Variants in CLIP4 observed in about 807,000 individuals in gnomAD.
CLIP4 encodes the protein CAP-Gly domain-containing linker protein 4.
Under a neutral mutation model 73.1 loss-of-function variants are expected in CLIP4, and 47 were observed. The ratio of observed to expected loss-of-function variants is 0.64; its 90% CI spans 0.51 to 0.82. The LOEUF is 0.82. Ranked by LOEUF, CLIP4 falls within the 40% of genes least tolerant of loss-of-function variation. The probability of loss-of-function intolerance (pLI) is 0.00; values close to 1 mark genes in which losing one functional copy is unlikely to be tolerated. For synonymous variants in CLIP4, 306 were observed against 295.4 expected (o/e 1.04, Z -0.37); for missense variants, 874 against 852.9 (o/e 1.02, Z -0.31).
chr2:29,143,943 A>G lies in CLIP4; in HGVS notation c.883A>G (p.Lys295Glu). ...GGATCGTGTTGTTATTGCAGGACAGAAGGTACAGTAAGTAACTGCAATCTC... is the reference window on the plus strand; with the variant it reads ...GGATCGTGTTGTTATTGCAGGACAGGAGGTACAGTAAGTAACTGCAATCTC... Reference protein sequence around the residue: ...LGDRVVIAGQKVGTLRFCGTT... With the variant: ...LGDRVVIAGQEVGTLRFCGTT... Residue 295 changes from lysine to glutamate, a missense_variant and splice_region_variant, in exon 7 of 16, where the codon AAG (lysine) becomes GAG (glutamate). Physicochemically the swap from Lys to Glu is moderately conservative, Grantham distance 56. Transcript: ENST00000320081. 2.5e-6 allele frequency: 4 copies of G among 1,613,330 alleles called. No homozygotes were observed. The highest frequency in any genetic ancestry group is 3.4e-6 in the Non-Finnish European group (4 of 1,179,222).
At chr2:29,168,915 C>T in intron 14 of CLIP4, among the ~76,000 whole-genome samples, 1 of 151,142 alleles carries the variant, frequency 6.6e-6, no homozygotes, top group East Asian at 1.9e-4. Context: ...TTTTGTGTTT[C>T]CCATGTGTCA....
chr2:29,156,281 A>G (rs1257318561), intron 9 of CLIP4, 73 bp from the exon 10 acceptor site: 3 of 971,588 alleles, frequency 3.1e-6, no homozygotes, highest in Admixed American at 3.0e-5. Flanking sequence ...TGAGGGATGC[A>G]TGTACTTTAA....
At chr2:29,143,680 G>A (rs1224582134) in intron 6 of CLIP4, 29 bp from the exon 7 acceptor site, 1 of 1,456,522 alleles carries the variant, frequency 6.9e-7, no homozygotes, top group Admixed American at 1.7e-5. Flanking sequence ...AGTAAGAGTT[G>A]AACATTTTTC....
intron 14 of CLIP4, among the ~76,000 whole-genome samples, chr2:29,168,401 G>A (rs945092860): frequency 2.1e-4 from 32 of 151,780 alleles, no homozygotes; most frequent in African/African-American, 5.8e-4. Flanking sequence ...ATATCTTGCC[G>A]AGGTCATTAC....
At chr2:29,162,619 A>C (rs1371658332) in intron 12 of CLIP4, among the ~76,000 whole-genome samples, 1 of 152,254 alleles carries the variant, frequency 6.6e-6, no homozygotes, top group Non-Finnish European at 1.5e-5. Context: ...ATAGGAAAGC[A>C]TAAAAGGCAG....
intron 15 of CLIP4, 164 bp downstream of exon 15, chr2:29,174,609 C>T (rs1392959154): frequency 7.4e-7 from 1 of 1,349,688 alleles, no homozygotes; most frequent in African/African-American, 1.5e-5. Flanking sequence ...TTCCTCCCTC[C>T]TTTGCAAGCG....
At chr2:29,136,832 G>GC (rs926817894) in intron 6 of CLIP4, among the ~76,000 whole-genome samples, 4 of 152,022 alleles carry the variant, frequency 2.6e-5, no homozygotes, top group African/African-American at 9.6e-5. Context: ...TGTTGACAAA[G>GC]CCCCATTAGT....
chr2:29,167,435 A>T, intron 13 of CLIP4, 41 bp from the exon 14 acceptor site: 2 of 1,423,462 alleles, frequency 1.4e-6, no homozygotes, highest in Non-Finnish European at 1.9e-6. Context: ...AAACCTGAAG[A>T]CCAGCTACTT....
chr2:29,105,596 G>A (rs1057213614), intron 1 of CLIP4, among the ~76,000 whole-genome samples: 1 of 152,196 alleles, frequency 6.6e-6, no homozygotes, highest in African/African-American at 2.4e-5. Context: ...TGACTTTGCA[G>A]CTCATCTCCT....
upstream of CLIP4, chr2:29,114,112 T>TCCAC (rs1407927685): frequency 3.3e-5 from 5 of 152,340 alleles, no homozygotes; most frequent in East Asian, 9.6e-4. Flanking sequence ...TCAAGTGTGC[T>TCCAC]CCACCCGATT....
At chr2:29,112,002 C>T (rs757477080), upstream of CLIP4, among the ~76,000 whole-genome samples, 3 of 152,144 alleles carry the variant, frequency 2.0e-5, no homozygotes, top group Non-Finnish European at 2.9e-5. Flanking sequence ...GCCAGTTTCC[C>T]GAATGCCGTC....
intron 14 of CLIP4, 61 bp downstream of exon 14, chr2:29,167,601 T>A (rs1299901941): frequency 3.8e-6 from 5 of 1,315,994 alleles, no homozygotes; most frequent in Non-Finnish European, 4.2e-6. Context: ...TATTGAAAAA[T>A]TTTTATTATG....
At chr2:29,100,031 A>C (rs1558500821) in intron 1 of CLIP4, among the ~76,000 whole-genome samples, 1 of 152,090 alleles carries the variant, frequency 6.6e-6, no homozygotes, top group Non-Finnish European at 1.5e-5. Flanking sequence ...TTAAAATTTT[A>C]TTTTATTTTA....
At chr2:29,116,667 A>G (rs987259582) in intron 1 of CLIP4, among the ~76,000 whole-genome samples, 2 of 152,194 alleles carry the variant, frequency 1.3e-5, no homozygotes, top group Non-Finnish European at 2.9e-5. Context: ...TATGTTGGAG[A>G]ACCATCCTGG....
At chr2:29,169,096 A>G (rs1361536633) in intron 14 of CLIP4, among the ~76,000 whole-genome samples, 1 of 151,852 alleles carries the variant, frequency 6.6e-6, no homozygotes, top group African/African-American at 2.4e-5. Context: ...GAAATTCCCT[A>G]GTGTTTTAAT....
chr2:29,174,269 A>G, intron 14 of CLIP4, 104 bp from the exon 15 acceptor site: 1 of 1,027,704 alleles, frequency 9.7e-7, no homozygotes, highest in South Asian at 1.6e-5. Flanking sequence ...TGAAAGAAAC[A>G]TTTAATATAA....
intron 1 of CLIP4, among the ~76,000 whole-genome samples, chr2:29,119,093 T>C (rs1253494124): frequency 2.0e-5 from 3 of 152,146 alleles, no homozygotes; most frequent in African/African-American, 7.2e-5. Flanking sequence ...AATAAGGAAA[T>C]GTAACTAGAG....
At chr2:29,104,699 G>A (rs138456836) in intron 1 of CLIP4, among the ~76,000 whole-genome samples, 82 of 152,296 alleles carry the variant, frequency 5.4e-4, no homozygotes, top group Non-Finnish European at 8.5e-4. Context: ...TGCAATAGAG[G>A]CACACATGTT....
At chr2:29,110,748 G>A (rs1668364221), upstream of CLIP4, among the ~76,000 whole-genome samples, 2 of 152,132 alleles carry the variant, frequency 1.3e-5, no homozygotes, top group African/African-American at 4.8e-5. Context: ...GAGTGCAGTG[G>A]CATGCTCTCA....
Sources: gnomAD v4.1 joint callset for allele counts (sites outside exome capture counted in the v4.1 genomes callset) on GRCh38, gnomAD v4.1.1 for gene constraint, MANE v1.5 for transcripts, NCBI Gene and HGNC (gene_info 2026-07-23, HGNC 2026-07-21) for gene names.